Variants in IGSF9B observed in about 807,000 individuals in gnomAD.
IGSF9B encodes immunoglobulin superfamily member 9B.
Under a neutral mutation model 143.7 loss-of-function variants are expected in IGSF9B, and 48 were observed. The ratio of observed to expected loss-of-function variants is 0.33; its 90% confidence interval spans 0.26 to 0.42. The LOEUF (loss-of-function observed/expected upper bound fraction) is 0.42. IGSF9B is among the 20% of genes least tolerant of loss of function. IGSF9B has a pLI of 1.00. For synonymous variants in IGSF9B, 903 were observed against 833.1 expected (o/e 1.08, Z -1.44); for missense variants, 1,706 against 1,980.0 (o/e 0.86, Z 2.63).
intron 3 of IGSF9B, among the ~76,000 whole-genome samples, chr11:133,942,815 C>G (rs1939975558): frequency 6.6e-6 from 1 of 152,296 alleles, no homozygotes; most frequent in African/African-American, 2.4e-5. Context: ...AACAATCCCC[C>G]CAAGATTTCA....
rs980126699 is a variant in IGSF9B at position 133,932,219 on chromosome 11, T to G, written c.968-6A>C. On this transcript the variant is annotated splice_region_variant and splice_polypyrimidine_tract_variant and intron_variant, in intron 7 of 19. Transcript: ENST00000533871. ...GTTGAGGACACGCGCTGGGTCTGCATAGAGGAAGCGCAGGTGAGAGAGCAG... is the reference window on the plus strand; with the variant it reads ...GTTGAGGACACGCGCTGGGTCTGCAGAGAGGAAGCGCAGGTGAGAGAGCAG... 10 of 1,552,632 alleles carry G rather than the reference T, an allele frequency of 6.4e-6. No individual in the cohort carries two copies. Among genetic ancestry groups the G allele is most frequent in the Non-Finnish European group, 8.7e-6 (10 of 1,147,780 alleles).
intron 18 of IGSF9B, among the ~76,000 whole-genome samples, chr11:133,917,342 C>T (rs1053401506): frequency 6.6e-6 from 1 of 152,108 alleles, no homozygotes; most frequent in African/African-American, 2.4e-5. Flanking sequence ...TAGCTTCCAC[C>T]TGGAAGGACA....
intron 1 of IGSF9B, among the ~76,000 whole-genome samples, chr11:133,952,759 A>T (rs1316630608): frequency 6.6e-6 from 1 of 151,506 alleles, no homozygotes; most frequent in Non-Finnish European, 1.5e-5. Context: ...GTACACATAT[A>T]GGAACATGTG....
intron 18 of IGSF9B, among the ~76,000 whole-genome samples, 185 bp downstream of exon 18, chr11:133,919,557 G>A (rs1334961302): frequency 1.3e-5 from 2 of 152,190 alleles, no homozygotes; most frequent in East Asian, 1.9e-4. Context: ...AGGTGGGCCC[G>A]CTGCGCCCCA....
chr11:133,931,724 A>G lies in IGSF9B; in HGVS notation c.1182T>C (p.Thr394=). The part of the protein sequence containing the change: ...IEEATEEALG[T]YTCVPYNTLG... ...GAGTGTTGTAAGGCACACAGGTATA[A>G]GTGCCAAGAGCCTCCTCTGTGGCCT... is the stretch of plus-strand genomic sequence containing the variant. The change falls in exon 9 of 20, where the codon ACT becomes ACC. Residue 394 remains threonine, a synonymous_variant. Coordinates refer to ENST00000533871, the MANE Select transcript of IGSF9B (RefSeq NM_001277285.4). The surrounding 1 kb of genome is among the most constrained non-coding windows in gnomAD (Gnocchi z 7.7). 3.1e-6 allele frequency: 5 copies of G among 1,611,976 alleles called. No individual in the cohort carries two copies. Among genetic ancestry groups the G allele is most frequent in the East Asian group, 2.2e-5 (1 of 44,852 alleles).
intron 12 of IGSF9B, 27 bp downstream of exon 12, chr11:133,929,644 G>T: frequency 3.3e-6 from 5 of 1,502,446 alleles, no homozygotes; most frequent in Non-Finnish European, 4.6e-6. Context: ...AGCAAAGCAT[G>T]CCGGGGTGAC....
At chr11:133,938,321 T>C (rs527835907) in intron 3 of IGSF9B, among the ~76,000 whole-genome samples, 1 of 152,316 alleles carries the variant, frequency 6.6e-6, no homozygotes, top group African/African-American at 2.4e-5. Flanking sequence ...CAGGAGCTCC[T>C]ACTTCTTGAA....
intron 3 of IGSF9B, among the ~76,000 whole-genome samples, chr11:133,940,680 CGT>C (rs1939936887): frequency 6.7e-6 from 1 of 148,764 alleles, no homozygotes; most frequent in Non-Finnish European, 1.5e-5. Context: ...CGTCCTCGCA[CGT>C]GTCATCACAT....
chr11:133,953,297 G>A lies in IGSF9B; in HGVS notation c.64+3394C>T, dbSNP rs948868051. ...CCAGCACATGCAGGGCCACAGGCCC[G>A]CGGCTGAAAGCTGATTGCCCTCTGC... is the stretch of plus-strand genomic sequence containing the variant. On this transcript the variant is annotated intron_variant, in intron 1 of 19. Coordinates refer to ENST00000533871, the MANE Select transcript of IGSF9B (RefSeq NM_001277285.4). This position sits in a 1 kb window ranked among gnomAD's most constrained non-coding sequence, Gnocchi z 4.2. 7.9e-5 allele frequency among the ~76,000 whole-genome samples: 12 copies of A among 152,196 alleles called. No homozygotes were observed. Among genetic ancestry groups the A allele is most frequent in the Non-Finnish European group, 1.5e-4 (10 of 68,034 alleles).
In IGSF9B at chr11:133,903,813, C is replaced by T. The variant is rs575173903; in HGVS notation, c.*5256G>A. Among the ~76,000 whole-genome samples, 7 of 152,250 alleles carry T rather than the reference C, an allele frequency of 4.6e-5. No individual in the cohort carries two copies. In the East Asian group the frequency reaches 9.7e-4, roughly 21 times the overall value. On this transcript the variant is annotated 3_prime_UTR_variant, in exon 20 of 20. Coordinates refer to ENST00000533871, the MANE Select transcript of IGSF9B (RefSeq NM_001277285.4). ...GGCTCTGAACCAGTGTGGATTCACT[C>T]GCAGTCAGAGGGAAGGGTGGTGATT...
chr11:133,920,376 G>T lies in IGSF9B; in HGVS notation c.3349C>A (p.Pro1117Thr), dbSNP rs761970963. The T allele has an allele frequency of 1.7e-5, 27 of 1,604,020 alleles. No individual in the cohort carries two copies. Among genetic ancestry groups the T allele is most frequent in the Non-Finnish European group, 2.3e-5 (27 of 1,175,998 alleles). Reference sequence around the variant, plus strand: ...GGTCTGTCCTGCCACTTGGCGGCGGGGGGCGCTGGGACAGGGCCCCTGCCG... The same window carrying T: ...GGTCTGTCCTGCCACTTGGCGGCGGTGGGCGCTGGGACAGGGCCCCTGCCG... ...SPGRGPVPAPPAAKWQDRPMQ... is the reference protein window; with the variant it reads ...SPGRGPVPAPTAAKWQDRPMQ... The change falls in exon 18 of 20, where the codon CCC becomes ACC. Residue 1117 changes from proline (P) to threonine (T), a missense_variant. Physicochemically the swap from Pro to Thr is conservative, Grantham distance 38. Coordinates refer to ENST00000533871, the MANE Select transcript of IGSF9B (RefSeq NM_001277285.4).
At chr11:133,930,178 T>C (rs1939696851) in intron 11 of IGSF9B, among the ~76,000 whole-genome samples, 1 of 152,004 alleles carries the variant, frequency 6.6e-6, no homozygotes, top group Non-Finnish European at 1.5e-5. Context: ...AGAAGACAAC[T>C]CCGTCCCACC....
intron 1 of IGSF9B, among the ~76,000 whole-genome samples, chr11:133,954,781 G>A (rs115428122): frequency 0.011 from 1,726 of 152,224 alleles, 32 homozygotes; most frequent in African/African-American, 0.04. Flanking sequence ...TTGAGGCTAA[G>A]AAAGACCCCA....
chr11:133,940,190 CAAAA>C (rs1469571432), intron 3 of IGSF9B, among the ~76,000 whole-genome samples: 3 of 140,762 alleles, frequency 2.1e-5, no homozygotes, highest in Non-Finnish European at 4.6e-5. Flanking sequence ...TCATCGCACG[CAAAA>C]ACACACACCT....
In IGSF9B at chr11:133,946,056, C is replaced by G. The variant is rs12291005; in HGVS notation, c.262+5G>C. The G allele has an allele frequency of 0.14, 216,886 of 1,552,602 alleles. 16,349 individuals are homozygous for G. Among genetic ancestry groups the G allele is most frequent in the South Asian group, 0.21 (17,207 of 80,918 alleles). On this transcript the variant is annotated splice_donor_5th_base_variant and intron_variant, in intron 2 of 19. Coordinates refer to ENST00000533871, the MANE Select transcript of IGSF9B (RefSeq NM_001277285.4). ...GGTGCGGGAGACCGGGTGCCCAGAC[C>G]TTACCTGCATACTCAGGGTCCACGT... is the stretch of plus-strand genomic sequence containing the variant.
chr11:133,902,432 CCA>C lies in IGSF9B; in HGVS notation c.*6635_*6636del, dbSNP rs1379970494. ...TACCACACACAATACACACACCACA[CCA>C]CACACACCACCCAGACACACCACAC... is the stretch of plus-strand genomic sequence containing the variant. On this transcript the variant is annotated 3_prime_UTR_variant, in exon 20 of 20. Coordinates refer to ENST00000533871, the MANE Select transcript of IGSF9B (RefSeq NM_001277285.4). Among the ~76,000 whole-genome samples, 6 of 69,388 alleles carry C rather than the reference CCA, an allele frequency of 8.6e-5. No individual in the cohort carries two copies. The East Asian group carries it at 4.8e-3, about 55-fold the overall frequency. The allele number at this position is 69,388 out of a possible 152,430, so 45.5% of individuals were successfully genotyped here. A position where few individuals can be genotyped will look rare whatever the true frequency, so the allele number is the denominator to read the frequency against.
intron 1 of IGSF9B, among the ~76,000 whole-genome samples, chr11:133,947,724 C>CTCTCTCTCTCTT (rs1940080269): frequency 2.6e-5 from 4 of 151,280 alleles, no homozygotes; most frequent in Non-Finnish European, 4.4e-5. Flanking sequence ...CTCTCTCTCT[C>CTCTCTCTCTCTT]TCTCTCTCTC....
intron 15 of IGSF9B, 158 bp downstream of exon 15, chr11:133,924,662 G>T (rs1939593660): frequency 3.2e-6 from 2 of 620,206 alleles, no homozygotes; most frequent in Admixed American, 5.7e-5. Flanking sequence ...GGGTCTGGTG[G>T]GCTTAAGAAA....
Position 133,911,944 on chromosome 11 carries a change from T to C in IGSF9B, c.4047A>G (p.Gln1349=), listed in dbSNP as rs1939308048. The change falls in exon 19 of 20, where the codon CAA becomes CAG. Residue 1349 remains glutamine, a synonymous_variant. Transcript: ENST00000533871. ...APERLEALKY[Q]RIKKPKKSSK... ...ATGACTTTTTGGGCTTCTTTATCCG[T>C]TGGTATTTCAGAGCCTCCAGCCTCT... is the stretch of plus-strand genomic sequence containing the variant. 2 of 1,534,988 alleles carry C rather than the reference T, an allele frequency of 1.3e-6. No homozygotes were observed. The highest frequency in any genetic ancestry group is 8.7e-7 in the Non-Finnish European group (1 of 1,146,540).
Sources: gnomAD v4.1 joint callset for allele counts (sites outside exome capture counted in the v4.1 genomes callset) on GRCh38, gnomAD v4.1.1 for gene constraint, Gnocchi (gnomAD v3.1) non-coding constraint, MANE v1.5 for transcripts, NCBI Gene and HGNC (gene_info 2026-07-23, HGNC 2026-07-21) for gene names.